Variants in NAV2 observed in about 807,000 individuals in gnomAD.
NAV2 encodes the protein helicase, APC down-regulated 1.
In NAV2, 54 loss-of-function variants were observed where a neutral mutation model predicts 223.2. The ratio of observed to expected loss-of-function variants is 0.24; its 90% confidence interval spans 0.19 to 0.30. The LOEUF (loss-of-function observed/expected upper bound fraction) is 0.30. NAV2 is among the 10% of genes least tolerant of loss of function. NAV2 has a pLI of 1.00. For missense variants in NAV2, 2,806 were observed against 3,147.5 expected, an observed-to-expected ratio of 0.89 and a Z score of 2.60; for synonymous variants, 1,279 against 1,239.3, an observed-to-expected ratio of 1.03 and a Z score of -0.67.
chr11:19,838,084 G>A (rs1328438240), intron 2 of NAV2, among the ~76,000 whole-genome samples: 1 of 152,120 alleles, frequency 6.6e-6, no homozygotes, highest in African/African-American at 2.4e-5. Flanking sequence ...GATGTATGGG[G>A]GAATTCTCTA....
At chr11:19,859,894 C>T (rs1340498699) in intron 3 of NAV2, among the ~76,000 whole-genome samples, 40 of 128,274 alleles carry the variant, frequency 3.1e-4, no homozygotes, top group African/African-American at 8.8e-4. Context: ...CCCTCCCGGA[C>T]GGGGCGGCTG....
At chr11:19,883,190 G>A (rs569695821) in intron 5 of NAV2, among the ~76,000 whole-genome samples, 12 of 152,162 alleles carry the variant, frequency 7.9e-5, no homozygotes, top group African/African-American at 2.4e-5. Context: ...GCACCCCTGG[G>A]GGGTAGCAAA....
At chr11:20,073,492 A>T (rs918495636) in intron 22 of NAV2, among the ~76,000 whole-genome samples, 1 of 152,214 alleles carries the variant, frequency 6.6e-6, no homozygotes, top group East Asian at 1.9e-4. Flanking sequence ...ATTATTTGGA[A>T]TAGTTTCACA....
chr11:19,925,033 AT>A (rs1175623967), intron 6 of NAV2, among the ~76,000 whole-genome samples: 1 of 152,164 alleles, frequency 6.6e-6, no homozygotes, highest in African/African-American at 2.4e-5. Context: ...GCTTTCTCTA[AT>A]GATTAGTGAT....
At chr11:20,042,608 T>C (rs970576580) in intron 12 of NAV2, among the ~76,000 whole-genome samples, 1 of 152,192 alleles carries the variant, frequency 6.6e-6, no homozygotes, top group Non-Finnish European at 1.5e-5. Context: ...GAACTTGGGC[T>C]GCCTATCTGT....
intron 6 of NAV2, among the ~76,000 whole-genome samples, chr11:19,926,866 C>T (rs1279083588): frequency 6.6e-6 from 1 of 152,164 alleles, no homozygotes; most frequent in Non-Finnish European, 1.5e-5. Flanking sequence ...GGACACTCTC[C>T]CTGAGTGCCT....
chr11:19,935,729 G>T (rs1203490514), intron 7 of NAV2, among the ~76,000 whole-genome samples: 1 of 151,818 alleles, frequency 6.6e-6, no homozygotes, highest in African/African-American at 2.4e-5. Flanking sequence ...CTTTTTAATT[G>T]GGAGAAGGTC....
chr11:19,864,047 C>T (rs1481907882), intron 3 of NAV2, among the ~76,000 whole-genome samples: 1 of 152,224 alleles, frequency 6.6e-6, no homozygotes, highest in Non-Finnish European at 1.5e-5. Flanking sequence ...GTCACCAGAA[C>T]TTGCAGGTTC....
At chr11:19,510,620 GCTTTA>G (rs1156295189) in intron 1 of NAV2, among the ~76,000 whole-genome samples, 1 of 152,238 alleles carries the variant, frequency 6.6e-6, no homozygotes, top group Non-Finnish European at 1.5e-5. Context: ...CAGAGCCAGC[GCTTTA>G]CCCAGGACTG....
intron 35 of NAV2, chr11:20,107,109 G>A (rs1461684349): frequency 6.2e-5 from 6 of 96,024 alleles, no homozygotes; most frequent in African/African-American, 1.8e-4. Context: ...ACGGAGTCTC[G>A]CTCTGTTGCC....
chr11:19,610,242 T>A (rs578220063), intron 1 of NAV2, among the ~76,000 whole-genome samples: 1 of 152,290 alleles, frequency 6.6e-6, no homozygotes, highest in African/African-American at 2.4e-5. Flanking sequence ...ATTCAATCAT[T>A]TTTTTTCTTT....
chr11:19,449,980 C>G (rs930995485), intron 1 of NAV2, among the ~76,000 whole-genome samples: 3 of 152,148 alleles, frequency 2.0e-5, no homozygotes, highest in African/African-American at 7.2e-5. Context: ...TAGGGAAAGA[C>G]ATGACAGGAA....
At position 19,713,629 on chromosome 11, in the gene NAV2, G is replaced by A; in HGVS notation, c.-67G>A. ...CGGCGCCTGCTCTGCTACCCGCGCT[G>A]CCTTTAGCGGTCGCCCCCGCCGCCG... On this transcript the variant is annotated 5_prime_UTR_variant, in exon 1 of 38. Coordinates refer to ENST00000349880, the MANE Select transcript of NAV2 (RefSeq NM_145117.5). The surrounding 1 kb of genome is among the most constrained non-coding windows in gnomAD (Gnocchi z 7.2). The A allele has an allele frequency of 6.7e-7, 1 of 1,490,712 alleles. No individual in the cohort carries two copies. The allele number at this position is 1,490,712 out of a possible 1,614,324, so 92.3% of individuals were successfully genotyped here. A position where few individuals can be genotyped will look rare whatever the true frequency, so the allele number is the denominator to read the frequency against.
rs1385521713 is a variant in NAV2 at position 19,899,182 on chromosome 11, C to T, written c.931+6588C>T. 7.2e-5 allele frequency among the ~76,000 whole-genome samples: 11 copies of T among 152,282 alleles called. No homozygotes were observed. The East Asian group carries it at 2.1e-3, about 29-fold the overall frequency. On this transcript the variant is annotated intron_variant, in intron 6 of 37. Coordinates refer to ENST00000349880, the MANE Select transcript of NAV2 (RefSeq NM_145117.5). ...CTCTAGTTTTTGTTCTGTGTCATTC[C>T]CTTCCTCTTTGTTCACTCCTTGTCA...
chr11:19,959,134 C>T (rs1299971097), intron 10 of NAV2, among the ~76,000 whole-genome samples: 1 of 152,132 alleles, frequency 6.6e-6, no homozygotes, highest in African/African-American at 2.4e-5. Context: ...CCTAGCTTTC[C>T]CTCTTGCATG....
At chr11:19,910,297 C>A (rs538555391) in intron 6 of NAV2, among the ~76,000 whole-genome samples, 7 of 152,228 alleles carry the variant, frequency 4.6e-5, no homozygotes, top group African/African-American at 1.4e-4. Context: ...TCATTGAGCC[C>A]CTCTTTTATG....
At chr11:20,100,549 GTGTGTGTGTGT>G (rs1565070875) in intron 31 of NAV2, among the ~76,000 whole-genome samples, 6 of 7,846 alleles carry the variant, frequency 7.6e-4, no homozygotes, top group South Asian at 0.02. Context: ...CTAGAGGGGT[GTGTGTGTGTGT>G]GTGTGTGTGT....
At chr11:19,961,129 A>G (rs11025345) in intron 10 of NAV2, among the ~76,000 whole-genome samples, 64,902 of 151,478 alleles carry the variant, frequency 0.43, 16,000 homozygotes, top group Non-Finnish European at 0.54. Flanking sequence ...TTCTCTTTTT[A>G]TATAGTGATG....
At chr11:19,434,180 G>A (rs1386782972) in intron 1 of NAV2, among the ~76,000 whole-genome samples, 3 of 152,088 alleles carry the variant, frequency 2.0e-5, no homozygotes, top group Admixed American at 2.0e-4. Flanking sequence ...AGAAGATGTG[G>A]TTTTCCATGT....
Sources: allele counts gnomAD v4.1 joint callset (sites outside exome capture counted in the v4.1 genomes callset), GRCh38; gene constraint gnomAD v4.1.1; non-coding constraint Gnocchi (gnomAD v3.1); transcripts MANE v1.5; gene names NCBI Gene and HGNC (gene_info 2026-07-23, HGNC 2026-07-21).